The following ABCA13 variants were observed in gnomAD, a reference collection of about 807,000 sequenced individuals.
ABCA13 encodes the protein ATP-binding cassette sub-family A member 13.
Under a neutral mutation model 478.7 loss-of-function variants are expected in ABCA13, and 476 were observed. The observed-to-expected ratio is 0.99, with a 90% CI of 0.92 to 1.07. The LOEUF is 1.07. Ranked by LOEUF, ABCA13 falls within the 50% of genes least tolerant of loss-of-function variation. ABCA13 has a pLI of 0.00. For synonymous variants in ABCA13, 2,252 were observed against 2,158.9 expected (o/e 1.04, Z -1.20); for missense variants, 6,060 against 5,910.6 (o/e 1.03, Z -0.83).
intron 55 of ABCA13, among the ~76,000 whole-genome samples, chr7:48,562,905 CA>C (rs1221570335): frequency 1.3e-5 from 2 of 151,458 alleles, no homozygotes; most frequent in Non-Finnish European, 2.9e-5. Context: ...TTGTGATTTC[CA>C]AAAAGAATGA....
intron 55 of ABCA13, among the ~76,000 whole-genome samples, chr7:48,546,877 A>G (rs545517276): frequency 2.0e-5 from 3 of 151,928 alleles, no homozygotes; most frequent in East Asian, 3.9e-4. Flanking sequence ...CCTTTAGACT[A>G]ATATGAATCA....
rs544627254 is a variant in ABCA13 at position 48,619,972 on chromosome 7, G to T, written c.14837+4595G>T. On this transcript the variant is annotated intron_variant, in intron 59 of 61. Transcript: ENST00000435803. Reference sequence around the variant, plus strand: ...CTATCATTTGTGCAATAACTTAAGGGTTGCCTTGATCTAAAGGCAGGAGCA... The same window carrying T: ...CTATCATTTGTGCAATAACTTAAGGTTTGCCTTGATCTAAAGGCAGGAGCA... Among the ~76,000 whole-genome samples the T allele has an allele frequency of 5.6e-4, 85 of 152,264 alleles. 1 individual carries two copies. The highest frequency in any genetic ancestry group is 3.4e-3 in the Middle Eastern group (1 of 294).
At chr7:48,243,317 C>T (rs1212084530) in intron 10 of ABCA13, among the ~76,000 whole-genome samples, 2 of 152,240 alleles carry the variant, frequency 1.3e-5, no homozygotes, top group Admixed American at 6.5e-5. Context: ...ATCTCTTTCT[C>T]ACTTTCTAGC....
intron 31 of ABCA13, among the ~76,000 whole-genome samples, chr7:48,365,114 TA>T: frequency 1.3e-5 from 2 of 152,290 alleles, no homozygotes; most frequent in Middle Eastern, 6.8e-3. Flanking sequence ...TCAATTGGGG[TA>T]AGATGATATC....
intron 55 of ABCA13, among the ~76,000 whole-genome samples, chr7:48,542,358 C>T (rs1833997558): frequency 6.6e-6 from 1 of 151,448 alleles, no homozygotes; most frequent in Non-Finnish European, 1.5e-5. Flanking sequence ...AAATAAGAAA[C>T]AGAATAACAT....
chr7:48,375,387 G>A (rs1813306043), intron 34 of ABCA13, among the ~76,000 whole-genome samples: 2 of 152,002 alleles, frequency 1.3e-5, no homozygotes, highest in Admixed American at 1.3e-4. Context: ...CTACATATTT[G>A]TTGGCTCTCA....
intron 3 of ABCA13, among the ~76,000 whole-genome samples, chr7:48,216,521 CT>C (rs1347482679): frequency 6.6e-6 from 1 of 152,110 alleles, no homozygotes; most frequent in African/African-American, 2.4e-5. Flanking sequence ...ATTTCCACAT[CT>C]TTCCCCCCCA....
chr7:48,570,304 A>G (rs1416620001), intron 55 of ABCA13, among the ~76,000 whole-genome samples: 1 of 140,368 alleles, frequency 7.1e-6, no homozygotes, highest in African/African-American at 2.7e-5. Flanking sequence ...TTCATTGTAT[A>G]TCTTTTTGCA....
At chr7:48,606,524 T>TTGTC (rs143116483) in intron 58 of ABCA13, among the ~76,000 whole-genome samples, 6,479 of 152,220 alleles carry the variant, frequency 0.043, 439 homozygotes, top group African/African-American at 0.15. Flanking sequence ...CAGACCCTGT[T>TTGTC]TGGGTGTCAG....
Position 48,275,465 on chromosome 7 carries a change from T to C in ABCA13, c.5799T>C (p.Asn1933=), listed in dbSNP as rs1293779979. Residue 1933 remains asparagine, a synonymous_variant, in exon 17 of 62, where the codon AAT becomes AAC. Transcript: ENST00000435803. ...TACCGTTTGTCCCACCTTCAATAAA[T>C]CAAACTAGGGATAGCATCTCTGAAC... ...KILPFVPPSI[N]QTRDSISELC... is the part of the protein sequence containing the mutation. 6.2e-7 allele frequency: 1 copy of C among 1,613,798 alleles called. No individual in the cohort carries two copies. The highest frequency in any genetic ancestry group is 1.3e-5 in the African/African-American group (1 of 74,946).
At chr7:48,245,387 A>G (rs556649957) in intron 11 of ABCA13, 125 bp from the exon 12 acceptor site, 3 of 664,104 alleles carry the variant, frequency 4.5e-6, no homozygotes, top group Non-Finnish European at 7.5e-6. Context: ...AAGAAAATGT[A>G]TAATAATAGG....
chr7:48,463,205 C>G (rs1310300819), intron 43 of ABCA13, among the ~76,000 whole-genome samples: 2 of 152,082 alleles, frequency 1.3e-5, no homozygotes, highest in Non-Finnish European at 2.9e-5. Context: ...TTGGGTTTTT[C>G]TCTGGTTGCT....
In ABCA13 at chr7:48,387,823, A is replaced by G. The variant is rs745947176; in HGVS notation, c.11337A>G (p.Gly3779=). 1 of 1,568,758 alleles carries G rather than the reference A, an allele frequency of 6.4e-7. No homozygotes were observed. The highest frequency in any genetic ancestry group is 8.6e-7 in the Non-Finnish European group (1 of 1,161,648). The change falls in exon 36 of 62, where the codon GGA becomes GGG. Residue 3779 remains glycine, a splice_region_variant and synonymous_variant. Coordinates refer to ENST00000435803, the MANE Select transcript of ABCA13 (RefSeq NM_152701.5). ...CGWYLSNLIP[G]TFGLRKPWYF... ...AATTTTAATTGTTTCATTTTTTAGG[A>G]ACATTTGGTTTACGGAAACCATGGT... is the stretch of plus-strand genomic sequence containing the variant.
At chr7:48,458,546 A>G (rs1348579311) in intron 43 of ABCA13, among the ~76,000 whole-genome samples, 1 of 152,202 alleles carries the variant, frequency 6.6e-6, no homozygotes, top group East Asian at 1.9e-4. Context: ...TTATCTTATT[A>G]GTGTTCTGAC....
chr7:48,336,724 TGGA>T (rs1363465911), intron 28 of ABCA13, among the ~76,000 whole-genome samples: 1 of 152,234 alleles, frequency 6.6e-6, no homozygotes, highest in African/African-American at 2.4e-5. Context: ...TTCCTGCAGT[TGGA>T]GGTCTGCGAT....
intron 1 of ABCA13, among the ~76,000 whole-genome samples, chr7:48,191,073 A>T (rs1008053382): frequency 2.0e-5 from 3 of 151,904 alleles, no homozygotes; most frequent in African/African-American, 4.8e-5. Flanking sequence ...TATGAGGTAT[A>T]TTTTTTATTT....
chr7:48,532,137 G>T (rs1287717327), intron 55 of ABCA13, among the ~76,000 whole-genome samples: 3 of 152,036 alleles, frequency 2.0e-5, no homozygotes, highest in Non-Finnish European at 4.4e-5. Flanking sequence ...CTATGGGTTT[G>T]TCATAGATGG....
chr7:48,382,579 GTTGT>G (rs1358611389), intron 35 of ABCA13, among the ~76,000 whole-genome samples: 1 of 151,988 alleles, frequency 6.6e-6, no homozygotes, highest in Non-Finnish European at 1.5e-5. Flanking sequence ...AACATTAATT[GTTGT>G]TTGTCTGAAT....
intron 45 of ABCA13, among the ~76,000 whole-genome samples, chr7:48,475,764 T>G (rs953361282): frequency 2.6e-5 from 4 of 152,126 alleles, no homozygotes; most frequent in Non-Finnish European, 4.4e-5. Context: ...ACGCCCAACC[T>G]GTTTCCTCAT....
Sources: gnomAD v4.1 joint callset for allele counts (sites outside exome capture counted in the v4.1 genomes callset) on GRCh38, gnomAD v4.1.1 for gene constraint, MANE v1.5 for transcripts, NCBI Gene and HGNC (gene_info 2026-07-23, HGNC 2026-07-21) for gene names.